Variants in PLCL1 observed in about 807,000 individuals in gnomAD.
The protein encoded by PLCL1 is phospholipase C like 1 (inactive).
Under a neutral mutation model 84.4 loss-of-function variants are expected in PLCL1, and 41 were observed. The observed-to-expected ratio is 0.49, with a 90% CI of 0.38 to 0.63. PLCL1 has a LOEUF of 0.63. PLCL1 is among the 30% of genes least tolerant of loss of function. The probability of loss-of-function intolerance (pLI) is 0.00; values close to 1 mark genes in which losing one functional copy is unlikely to be tolerated. For missense variants in PLCL1, 1,206 were observed against 1,367.8 expected (o/e 0.88, Z 1.87); for synonymous variants, 490 against 488.3 (o/e 1.00, Z -0.05).
chr2:197,869,777 T>C (rs1439040992), intron 1 of PLCL1, among the ~76,000 whole-genome samples: 1 of 152,160 alleles, frequency 6.6e-6, no homozygotes, highest in Non-Finnish European at 1.5e-5. Flanking sequence ...CTTGACACCA[T>C]CAATTTTTAT....
chr2:198,001,487 G>A (rs926706302), intron 1 of PLCL1, among the ~76,000 whole-genome samples: 16 of 152,140 alleles, frequency 1.1e-4, no homozygotes, highest in Non-Finnish European at 7.3e-5. Flanking sequence ...TCATCTCAAA[G>A]ATAATTATCC....
chr2:198,005,431 A>T (rs1424889741), intron 1 of PLCL1, among the ~76,000 whole-genome samples: 2 of 152,360 alleles, frequency 1.3e-5, no homozygotes, highest in East Asian at 3.9e-4. Flanking sequence ...TGGAAACTGC[A>T]CATCGTGCCT....
chr2:198,144,738 T>C lies in PLCL1; in HGVS notation c.3106-2042T>C, dbSNP rs1024256410. Among the ~76,000 whole-genome samples the C allele has an allele frequency of 3.3e-5, 5 of 152,234 alleles. No homozygotes were observed. The East Asian group carries it at 9.6e-4, about 29-fold the overall frequency. The stretch of plus-strand genomic sequence containing the variant: ...TTGCTCTGCCCTGTCTTCCTGATTC[T>C]GGATGCTATCTCTAAATTGTGTCAG... On this transcript the variant is annotated intron_variant, in intron 5 of 5. Transcript: ENST00000428675.
intron 1 of PLCL1, among the ~76,000 whole-genome samples, chr2:197,902,543 GT>G (rs991663216): frequency 6.6e-6 from 1 of 152,162 alleles, no homozygotes; most frequent in African/African-American, 2.4e-5. Context: ...ATATTTTCCT[GT>G]TTTTTATCTC....
intron 1 of PLCL1, among the ~76,000 whole-genome samples, chr2:198,056,343 A>T (rs562508823): frequency 1.2e-4 from 19 of 152,294 alleles, no homozygotes; most frequent in African/African-American, 4.6e-4. Flanking sequence ...AGTTTAAAAG[A>T]TTGGTGTTTG....
intron 1 of PLCL1, among the ~76,000 whole-genome samples, chr2:197,947,188 A>G (rs1367516196): frequency 6.6e-6 from 1 of 151,264 alleles, no homozygotes; most frequent in East Asian, 1.9e-4. Flanking sequence ...ACTGCTATGA[A>G]AAAGATGAAA....
At position 197,918,971 on chromosome 2, in the gene PLCL1, T is replaced by TCACACACA. The variant is rs1553502312; in HGVS notation, c.240+113637_240+113644dup. The stretch of plus-strand genomic sequence containing the variant: ...CTCTCTCTCTCTCTCTCTCTCTCCC[T>TCACACACA]CACACACACACATACACACACAAAG... On this transcript the variant is annotated intron_variant, in intron 1 of 5. Transcript: ENST00000428675. Among the ~76,000 whole-genome samples, 172 of 144,654 alleles carry TCACACACA rather than the reference T, an allele frequency of 1.2e-3. 2 individuals carry two copies. Among genetic ancestry groups the TCACACACA allele is most frequent in the East Asian group, 4.2e-3 (20 of 4,744 alleles). 94.9% of individuals were successfully genotyped at this position (144,654 alleles called of 152,430 possible).
rs914647909 is a variant in PLCL1 at position 198,083,694 on chromosome 2, A to G, written c.241-64A>G. The G allele has an allele frequency of 6.8e-6, 7 of 1,022,216 alleles. No individual in the cohort carries two copies. The African/African-American group carries it at 9.7e-5, about 14-fold the overall frequency. 63.3% of individuals were successfully genotyped at this position (1,022,216 alleles called of 1,614,324 possible). A position where few individuals can be genotyped will look rare whatever the true frequency, so the allele number is the denominator to read the frequency against. On this transcript the variant is annotated intron_variant, in intron 1 of 5. Transcript: ENST00000428675. ...GAATTGAAGTTTGAGGAGTTCATAG[A>G]GTGTTACTGAATTTGTCTGTTTTCT...
At chr2:197,901,861 T>C (rs941627713) in intron 1 of PLCL1, among the ~76,000 whole-genome samples, 4 of 152,106 alleles carry the variant, frequency 2.6e-5, no homozygotes, top group Admixed American at 1.3e-4. Context: ...AAAACTAGAA[T>C]CCAGGTCCTC....
chr2:197,996,985 G>T (rs1421006365), intron 1 of PLCL1, among the ~76,000 whole-genome samples: 1 of 152,194 alleles, frequency 6.6e-6, no homozygotes, highest in African/African-American at 2.4e-5. Context: ...TGAGGGTGAG[G>T]TGGCGGGAGA....
At position 197,825,114 on chromosome 2, in the gene PLCL1, G is replaced by A. The variant is rs576894728; in HGVS notation, c.240+19775G>A. ...GTTCTCGTGGGTAAGACACAAGTCA[G>A]TGGGTGGAGGAGGATATAATGAATA... On this transcript the variant is annotated intron_variant, in intron 1 of 5. Coordinates refer to ENST00000428675, the MANE Select transcript of PLCL1 (RefSeq NM_006226.4). 7.2e-5 allele frequency among the ~76,000 whole-genome samples: 11 copies of A among 152,258 alleles called. No individual in the cohort carries two copies. In the East Asian group the frequency reaches 2.1e-3, roughly 29 times the overall value.
chr2:197,863,732 T>C (rs542335235), intron 1 of PLCL1, among the ~76,000 whole-genome samples: 4 of 152,280 alleles, frequency 2.6e-5, no homozygotes, highest in African/African-American at 7.2e-5. Flanking sequence ...GAAAATTACA[T>C]TGTGAGACCA....
intron 1 of PLCL1, among the ~76,000 whole-genome samples, chr2:197,846,778 C>A (rs700681): frequency 0.73 from 110,668 of 152,008 alleles, 41,365 homozygotes; most frequent in African/African-American, 0.9. Context: ...GAGAAAGCAA[C>A]GAAGTCGCAC....
At chr2:198,088,721 T>C (rs1692945433) in intron 2 of PLCL1, 137 bp from the exon 3 acceptor site, 4 of 715,120 alleles carry the variant, frequency 5.6e-6, no homozygotes, top group Non-Finnish European at 5.1e-6. Flanking sequence ...TGCTAAAAAT[T>C]GAGCAAGATG....
chr2:198,145,016 A>G (rs1176959268), intron 5 of PLCL1, among the ~76,000 whole-genome samples: 2 of 152,168 alleles, frequency 1.3e-5, no homozygotes, highest in African/African-American at 4.8e-5. Context: ...CAGTAAATTG[A>G]GAATAATGAA....
chr2:197,813,950 T>A (rs1476187655), intron 1 of PLCL1, among the ~76,000 whole-genome samples: 1 of 152,194 alleles, frequency 6.6e-6, no homozygotes, highest in Non-Finnish European at 1.5e-5. Flanking sequence ...TAAGTTCAGC[T>A]GACAAATCAA....
intron 1 of PLCL1, among the ~76,000 whole-genome samples, chr2:197,882,053 G>C (rs1314176607): frequency 6.6e-6 from 1 of 152,114 alleles, no homozygotes; most frequent in Admixed American, 6.6e-5. Context: ...GTTGGGAAAG[G>C]TAAGAGATGA....
intron 1 of PLCL1, among the ~76,000 whole-genome samples, chr2:198,051,812 G>A (rs560245292): frequency 1.7e-3 from 254 of 151,250 alleles, no homozygotes; most frequent in African/African-American, 5.9e-3. Flanking sequence ...TCGGCTCACT[G>A]CAACCTGTCT....
chr2:198,132,175 C>T (rs988243498), intron 5 of PLCL1, among the ~76,000 whole-genome samples: 6 of 152,154 alleles, frequency 3.9e-5, no homozygotes, highest in African/African-American at 7.2e-5. Flanking sequence ...ATTGGTTTGT[C>T]TAATTGCTGT....
Sources: gnomAD v4.1 joint callset for allele counts (sites outside exome capture counted in the v4.1 genomes callset) on GRCh38, gnomAD v4.1.1 for gene constraint, MANE v1.5 for transcripts, NCBI Gene and HGNC (gene_info 2026-07-23, HGNC 2026-07-21) for gene names.